The following PPDPFL variants were observed in gnomAD, a reference collection of about 807,000 sequenced individuals.
PPDPFL encodes the protein pancreatic progenitor cell differentiation and proliferation factor-like protein.
A neutral mutation model predicts 12.6 loss-of-function variants in PPDPFL; 12 were observed. The ratio of observed to expected loss-of-function variants is 0.95; its 90% CI spans 0.61 to 1.54. The LOEUF is 1.54. PPDPFL is among the 40% of genes most tolerant of loss of function. The pLI, the probability that PPDPFL is intolerant of heterozygous loss-of-function variation, is 0.00. For missense variants in PPDPFL, 114 were observed against 96.0 expected (o/e 1.19, Z -0.78); for synonymous variants, 24 against 32.7 (o/e 0.73, Z 0.91).
chr8:49,064,557 C>A (rs914957005), intron 1 of PPDPFL, among the ~76,000 whole-genome samples: 2 of 151,510 alleles, frequency 1.3e-5, no homozygotes, highest in African/African-American at 4.9e-5. Context: ...CGCCCAGGTT[C>A]CCCCCCAGGA....
Position 49,075,166 on chromosome 8 carries a change from C to T in PPDPFL, c.248C>T (p.Thr83Ile). ...AATCAACCCAGATTACAGATGAGCACTTTGTAGCTGATCATCTTTGCACTG... is the reference window on the plus strand; with the variant it reads ...AATCAACCCAGATTACAGATGAGCATTTTGTAGCTGATCATCTTTGCACTG... The part of the protein sequence containing the change: ...DLSATGLQMS[T>I]L The change falls in exon 5 of 5, where the codon ACT (threonine) becomes ATT (isoleucine). Residue 83 changes from threonine (T) to isoleucine (I), a missense_variant. Transcript: ENST00000522267. 6.2e-7 allele frequency: 1 copy of T among 1,613,090 alleles called. No individual in the cohort carries two copies. Among genetic ancestry groups the T allele is most frequent in the Non-Finnish European group, 8.5e-7 (1 of 1,179,126 alleles).
chr8:49,063,739 G>T (rs1290953770), intron 1 of PPDPFL, among the ~76,000 whole-genome samples: 1 of 151,970 alleles, frequency 6.6e-6, no homozygotes, highest in Non-Finnish European at 1.5e-5. Context: ...TATAAAAAAT[G>T]CATGAGTGGT....
chr8:49,063,737 A>G (rs900840087), intron 1 of PPDPFL, among the ~76,000 whole-genome samples: 1 of 152,124 alleles, frequency 6.6e-6, no homozygotes, highest in Non-Finnish European at 1.5e-5. Flanking sequence ...TATATAAAAA[A>G]TGCATGAGTG....
Position 49,062,128 on chromosome 8 carries a change from C to T in PPDPFL, c.-45+7759C>T, listed in dbSNP as rs574730151. Among the ~76,000 whole-genome samples, 87 of 152,294 alleles carry T rather than the reference C, an allele frequency of 5.7e-4. 2 individuals carry two copies. The South Asian group carries it at 0.017, about 31-fold the overall frequency. ...GCTAAGGTAGGAAAGGGCCTCTACC[C>T]TAAAGGAGCAGCAGGGCTTAGCTAA... On this transcript the variant is annotated intron_variant, in intron 1 of 4. Transcript: ENST00000517663.
chr8:49,075,101 G>A (rs1808469686), intron 4 of PPDPFL, 51 bp from the exon 5 acceptor site: 4 of 1,599,850 alleles, frequency 2.5e-6, no homozygotes, highest in Non-Finnish European at 3.4e-6. Flanking sequence ...TATCTGGACA[G>A]TGTTTCATTT....
Position 49,074,348 on chromosome 8 carries a change from T to C in PPDPFL, c.233+15T>C. On this transcript the variant is annotated intron_variant, in intron 4 of 4. Coordinates refer to ENST00000522267, the MANE Select transcript of PPDPFL (RefSeq NM_001256597.2). ...TCTGCTACTGGGTGAGTTTTAGCCTTCTCTGGTAAGGGCAGTTCTTACTTA... is the reference window on the plus strand; with the variant it reads ...TCTGCTACTGGGTGAGTTTTAGCCTCCTCTGGTAAGGGCAGTTCTTACTTA... 6.2e-7 allele frequency: 1 copy of C among 1,611,060 alleles called. No individual in the cohort carries two copies. The highest frequency in any genetic ancestry group is 1.3e-5 in the African/African-American group (1 of 75,014).
rs375406634 is a variant in PPDPFL, at chr8:49,072,864, G to C, written c.34G>C (p.Ala12Pro). Residue 12 changes from alanine to proline, a missense_variant, in exon 2 of 5, where the codon GCC becomes CCC. Physicochemically the swap from Ala to Pro is conservative, Grantham distance 27. Transcript: ENST00000522267. ...ASVPSIGCLL[A>P]RNQYYRKSSV... ...CGTACCTTCCATTGGTTGCCTTCTA[G>C]CCAGAAATCAGTATTATCGAAGTAA... The C allele has an allele frequency of 6.2e-7, 1 of 1,606,664 alleles. No individual in the cohort carries two copies. Among genetic ancestry groups the C allele is most frequent in the African/African-American group, 1.3e-5 (1 of 74,584 alleles).
intron 1 of PPDPFL, among the ~76,000 whole-genome samples, chr8:49,056,697 A>G (rs939816405): frequency 6.6e-6 from 1 of 152,232 alleles, no homozygotes; most frequent in South Asian, 2.1e-4. Context: ...TGATAGAGCA[A>G]TATCCATAAA....
intron 4 of PPDPFL, 83 bp downstream of exon 4, chr8:49,074,416 T>G: frequency 1.3e-6 from 2 of 1,568,382 alleles, no homozygotes; most frequent in South Asian, 2.3e-5. Flanking sequence ...GCTACTCACT[T>G]AGGGTACATA....
chr8:49,075,486 G>T lies in PPDPFL; in HGVS notation c.*313G>T. 1 of 586,356 alleles carries T rather than the reference G, an allele frequency of 1.7e-6. No homozygotes were observed. The allele number at this position is 586,356 out of a possible 1,614,324, so 36.3% of individuals were successfully genotyped here. A position where few individuals can be genotyped will look rare whatever the true frequency, so the allele number is the denominator to read the frequency against. The stretch of plus-strand genomic sequence containing the variant: ...TACCTGGTGCATCTTTGAAAAGTGT[G>T]CCTTTAGAAACAAGACACCCTTTTA... On this transcript the variant is annotated 3_prime_UTR_variant, in exon 5 of 5. Transcript: ENST00000522267.
chr8:49,069,622 C>A (rs569932976), upstream of PPDPFL, among the ~76,000 whole-genome samples: 3 of 152,252 alleles, frequency 2.0e-5, no homozygotes, highest in African/African-American at 7.2e-5. Context: ...TTTGACTCAG[C>A]AACCCCATTA....
At chr8:49,074,355 T>TAA in intron 4 of PPDPFL, 22 bp downstream of exon 4, 1 of 1,606,334 alleles carries the variant, frequency 6.2e-7, no homozygotes, top group Non-Finnish European at 8.5e-7. Context: ...CCTTCTCTGG[T>TAA]AAGGGCAGTT....
chr8:49,075,117 T>C, intron 4 of PPDPFL, 35 bp from the exon 5 acceptor site: 1 of 1,609,394 alleles, frequency 6.2e-7, no homozygotes, highest in Non-Finnish European at 8.5e-7. Flanking sequence ...CATTTATTTA[T>C]CCCCTCCTCT....
At chr8:49,064,702 A>G (rs546119442) in intron 1 of PPDPFL, among the ~76,000 whole-genome samples, 1 of 152,250 alleles carries the variant, frequency 6.6e-6, no homozygotes, top group South Asian at 2.1e-4. Context: ...CTTCCAGGGA[A>G]CAGAGCCTGA....
rs527289691 is a variant in PPDPFL at position 49,063,499 on chromosome 8, C to T, written c.-45+9130C>T. On this transcript the variant is annotated intron_variant, in intron 1 of 4. Transcript: ENST00000517663. ...CTTTGGGAGGCTGTGGCAGGTGGAT[C>T]TCCTGAGCCCAGGATTTCGAGACCA... Among the ~76,000 whole-genome samples, 237 of 152,238 alleles carry T rather than the reference C, an allele frequency of 1.6e-3. 1 individual carries two copies. The highest frequency in any genetic ancestry group is 5.4e-3 in the African/African-American group (223 of 41,556).
Position 49,074,061 on chromosome 8 carries a change from T to A in PPDPFL, c.58T>A (p.Ser20Thr). 1 of 1,606,986 alleles carries A rather than the reference T, an allele frequency of 6.2e-7. No individual in the cohort carries two copies. Among genetic ancestry groups the A allele is most frequent in the Middle Eastern group, 1.7e-4 (1 of 5,810 alleles). ...LLARNQYYRK[S>T]SVSSVSSLTS... ...TTAATATCATTTGTTTCCTACAGAG[T>A]CCAGTGTTTCTTCAGTTAGTTCTTT... is the stretch of plus-strand genomic sequence containing the variant. The change falls in exon 3 of 5, where the codon TCC becomes ACC. Residue 20 changes from serine to threonine, a missense_variant and splice_region_variant. Ser to Thr is a moderately conservative substitution (Grantham distance 58, BLOSUM62 1). Coordinates refer to ENST00000522267, the MANE Select transcript of PPDPFL (RefSeq NM_001256597.2).
intron 1 of PPDPFL, among the ~76,000 whole-genome samples, chr8:49,064,785 G>C (rs561844733): frequency 1.3e-5 from 2 of 152,282 alleles, no homozygotes; most frequent in East Asian, 3.9e-4. Context: ...AAAATAAGCA[G>C]CTTCCTCATA....
chr8:49,071,299 G>A (rs941585818), upstream of PPDPFL, among the ~76,000 whole-genome samples: 1 of 152,208 alleles, frequency 6.6e-6, no homozygotes, highest in African/African-American at 2.4e-5. Context: ...AATCAGCAAT[G>A]GCCACAATCA....
chr8:49,073,957 T>C (rs995824928), intron 2 of PPDPFL, 102 bp from the exon 3 acceptor site: 4 of 753,100 alleles, frequency 5.3e-6, no homozygotes, highest in African/African-American at 1.8e-5. Flanking sequence ...CAGGAATAAA[T>C]GATTTCAAAC....
Sources: allele counts gnomAD v4.1 joint callset (sites outside exome capture counted in the v4.1 genomes callset), GRCh38; gene constraint gnomAD v4.1.1; transcripts MANE v1.5; gene names NCBI Gene and HGNC (gene_info 2026-07-23, HGNC 2026-07-21).